The following RIGI variants were observed in gnomAD, a reference collection of about 807,000 sequenced individuals.
RIGI encodes the protein antiviral innate immune response receptor RIG-I.
chr9:32,506,052 T>C, the RIGI span, among the ~76,000 whole-genome samples: 1 of 152,076 alleles, frequency 6.6e-6, no homozygotes, highest in Non-Finnish European at 1.5e-5. Context: ...CCCCCATCTC[T>C]TCTAAAAATA....
chr9:32,523,894 C>T, the RIGI span, among the ~76,000 whole-genome samples: 11 of 152,020 alleles, frequency 7.2e-5, no homozygotes, highest in South Asian at 2.3e-3. Flanking sequence ...GAACTCCTGC[C>T]TCTCTCTCCA....
the RIGI span, among the ~76,000 whole-genome samples, chr9:32,472,455 T>G: frequency 6.6e-6 from 1 of 152,350 alleles, no homozygotes; most frequent in East Asian, 1.9e-4. Flanking sequence ...GTAATTCATC[T>G]AGGTACTGCT....
the RIGI span, among the ~76,000 whole-genome samples, chr9:32,474,588 A>G: frequency 6.6e-6 from 1 of 152,198 alleles, no homozygotes; most frequent in African/African-American, 2.4e-5. Flanking sequence ...GGTCTGTGAG[A>G]TGGACCTGTG....
chr9:32,483,301 T>C, the RIGI span, among the ~76,000 whole-genome samples: 34 of 152,280 alleles, frequency 2.2e-4, no homozygotes, highest in African/African-American at 8.2e-4. Context: ...ATTGACATGC[T>C]TCTTTCCAAG....
chr9:32,491,544 C>T, the RIGI span: 1 of 675,448 alleles, frequency 1.5e-6, no homozygotes, highest in Non-Finnish European at 2.4e-6. Flanking sequence ...CTCACAACCA[C>T]TCCCCTTCAC....
the RIGI span, among the ~76,000 whole-genome samples, chr9:32,466,718 G>C: frequency 1.5e-5 from 1 of 68,606 alleles, no homozygotes; most frequent in African/African-American, 5.5e-5. Context: ...AAAAAAAAAA[G>C]ACTCAAATGC....
At chr9:32,497,688 A>G in the RIGI span, among the ~76,000 whole-genome samples, 2 of 152,384 alleles carry the variant, frequency 1.3e-5, no homozygotes, top group South Asian at 2.1e-4. Flanking sequence ...CGGAGCTTGC[A>G]GTGAGCCGAG....
At chr9:32,490,938 G>C in the RIGI span, among the ~76,000 whole-genome samples, 2 of 152,190 alleles carry the variant, frequency 1.3e-5, no homozygotes, top group African/African-American at 4.8e-5. Flanking sequence ...AGGAAATTGA[G>C]CAAGTGACTC....
chr9:32,482,191 G>T, the RIGI span, among the ~76,000 whole-genome samples: 1 of 150,172 alleles, frequency 6.7e-6, no homozygotes, highest in African/African-American at 2.5e-5. Context: ...GTTTGTTTGT[G>T]TGTGTGTGTG....
At chr9:32,456,460 C>T in the RIGI span, 7 of 151,992 alleles carry the variant, frequency 4.6e-5, no homozygotes, top group Non-Finnish European at 8.8e-5. Flanking sequence ...GTACATATAA[C>T]CATTACATAT....
chr9:32,506,470 C>T, the RIGI span, among the ~76,000 whole-genome samples: 4 of 152,148 alleles, frequency 2.6e-5, no homozygotes, highest in African/African-American at 9.7e-5. Context: ...CCACCTTTGG[C>T]CAGTGTCTTT....
chr9:32,500,857 C>G, the RIGI span: 3 of 1,614,200 alleles, frequency 1.9e-6, no homozygotes, highest in Non-Finnish European at 2.5e-6. Context: ...CCTCCTGGAG[C>G]TCCAACAGGA....
the RIGI span, chr9:32,466,383 A>G: frequency 6.2e-7 from 1 of 1,613,806 alleles, no homozygotes; most frequent in Admixed American, 1.7e-5. Flanking sequence ...GTTCTTTTTC[A>G]ATTACACCAG....
the RIGI span, among the ~76,000 whole-genome samples, chr9:32,510,554 C>CT: frequency 1.3e-5 from 2 of 152,096 alleles, no homozygotes; most frequent in Non-Finnish European, 2.9e-5. Flanking sequence ...ATTTTGTCAC[C>CT]ACCAGGCCTG....
At chr9:32,500,159 G>C in the RIGI span, among the ~76,000 whole-genome samples, 2 of 152,122 alleles carry the variant, frequency 1.3e-5, no homozygotes, top group Non-Finnish European at 2.9e-5. Context: ...AGAAAGAAAA[G>C]CCCCAATCTA....
the RIGI span, among the ~76,000 whole-genome samples, chr9:32,508,487 G>A: frequency 4.6e-5 from 7 of 151,962 alleles, no homozygotes; most frequent in African/African-American, 1.7e-4. Flanking sequence ...CACCTGGGAA[G>A]CACAAGGGGT....
the RIGI span, chr9:32,457,088 T>A: frequency 2.6e-6 from 4 of 1,557,250 alleles, no homozygotes; most frequent in Non-Finnish European, 3.5e-6. Flanking sequence ...TCAAAGTTAC[T>A]CATTCCCTGT....
chr9:32,464,735 A>G, the RIGI span, among the ~76,000 whole-genome samples: 2 of 152,190 alleles, frequency 1.3e-5, no homozygotes, highest in African/African-American at 4.8e-5. Context: ...GGGCCTGGTC[A>G]TGTATGATAG....
chr9:32,489,651 TG>T, the RIGI span, among the ~76,000 whole-genome samples: 1 of 138,774 alleles, frequency 7.2e-6, no homozygotes, highest in Non-Finnish European at 1.6e-5. Context: ...AAAGTATTGA[TG>T]GCAAGAAAGA....
Sources: gnomAD v4.1 joint callset for allele counts (sites outside exome capture counted in the v4.1 genomes callset) on GRCh38, gnomAD v4.1.1 for gene constraint, MANE v1.5 for transcripts, NCBI Gene and HGNC (gene_info 2026-07-23, HGNC 2026-07-21) for gene names.